The following C8orf34 variants were observed in gnomAD, a reference collection of about 807,000 sequenced individuals.
The protein encoded by C8orf34 is uncharacterized protein C8orf34.
Under a neutral mutation model 68.3 loss-of-function variants are expected in C8orf34, and 65 were observed. That is an observed-to-expected ratio of 0.95 (90% confidence interval 0.78 to 1.17). C8orf34 has a LOEUF of 1.17. C8orf34 is among the 50% of genes most tolerant of loss of function. The probability of loss-of-function intolerance (pLI) is 0.00; values close to 1 mark genes in which losing one functional copy is unlikely to be tolerated. For missense variants in C8orf34, 664 were observed against 655.4 expected (o/e 1.01, Z -0.14); for synonymous variants, 244 against 241.2 (o/e 1.01, Z -0.11).
chr8:68,689,239 G>A (rs899879825), intron 8 of C8orf34, among the ~76,000 whole-genome samples: 7 of 151,924 alleles, frequency 4.6e-5, no homozygotes, highest in African/African-American at 1.4e-4. Context: ...TTGTGGACTC[G>A]ATGGAGGGGG....
chr8:68,373,776 C>A (rs1807667883), intron 1 of C8orf34, among the ~76,000 whole-genome samples: 1 of 152,124 alleles, frequency 6.6e-6, no homozygotes, highest in African/African-American at 2.4e-5. Context: ...CTTGGTACAT[C>A]ACATACTAAG....
chr8:68,339,054 T>G (rs1042823053), intron 1 of C8orf34, among the ~76,000 whole-genome samples: 37 of 152,258 alleles, frequency 2.4e-4, no homozygotes, highest in African/African-American at 1.4e-4. Context: ...CATTTTTATT[T>G]GGGTTGTTTT....
intron 7 of C8orf34, among the ~76,000 whole-genome samples, chr8:68,616,297 C>G (rs1201339775): frequency 6.6e-6 from 1 of 152,068 alleles, no homozygotes; most frequent in Non-Finnish European, 1.5e-5. Context: ...TCCTTCAGTT[C>G]TGCTCTGATT....
intron 7 of C8orf34, among the ~76,000 whole-genome samples, chr8:68,632,742 G>T (rs1364885532): frequency 6.6e-6 from 1 of 152,150 alleles, no homozygotes; most frequent in Non-Finnish European, 1.5e-5. Flanking sequence ...TCCAGCCGTG[G>T]CTAAAAGGGG....
chr8:68,499,599 C>T (rs1052197043), intron 5 of C8orf34, among the ~76,000 whole-genome samples: 6 of 152,104 alleles, frequency 3.9e-5, no homozygotes, highest in African/African-American at 1.4e-4. Flanking sequence ...GTAGTTGATG[C>T]AGTCAGGTGT....
In C8orf34 at chr8:68,527,793, A is replaced by C. The variant is rs139349936; in HGVS notation, c.939-5190A>C. ...TGGGAAAGAGGGGCCTCGGAACCCTAAGTGCTCTTAGAAAAACCCCTCTTG... is the reference window on the plus strand; with the variant it reads ...TGGGAAAGAGGGGCCTCGGAACCCTCAGTGCTCTTAGAAAAACCCCTCTTG... On this transcript the variant is annotated intron_variant, in intron 6 of 13. Coordinates refer to ENST00000518698, the MANE Select transcript of C8orf34 (RefSeq NM_052958.4). Among the ~76,000 whole-genome samples the C allele has an allele frequency of 1.5e-4, 23 of 152,250 alleles. No homozygotes were observed. The East Asian group carries it at 2.1e-3, about 14-fold the overall frequency.
Position 68,331,079 on chromosome 8 carries a change from G to A in C8orf34, c.67G>A (p.Ala23Thr). The change falls in exon 1 of 14, where the codon GCG becomes ACG. Residue 23 changes from alanine to threonine, a missense_variant. Ala to Thr is a moderately conservative substitution (Grantham distance 58). Coordinates refer to ENST00000518698, the MANE Select transcript of C8orf34 (RefSeq NM_052958.4). ...GCTGCGCCCAGGCTTCCGGCTCTCA[G>A]CGCCCCACGCGCGCGTGGCTCCCCG... ...AALRPGFRLS[A>T]PHARVAPRAA... 6.9e-7 allele frequency: 1 copy of A among 1,445,334 alleles called. No homozygotes were observed. The highest frequency in any genetic ancestry group is 9.1e-7 in the Non-Finnish European group (1 of 1,102,944). 89.5% of individuals were successfully genotyped at this position (1,445,334 alleles called of 1,614,324 possible).
intron 10 of C8orf34, among the ~76,000 whole-genome samples, chr8:68,734,028 T>A (rs1432607828): frequency 6.6e-6 from 1 of 152,194 alleles, no homozygotes; most frequent in Non-Finnish European, 1.5e-5. Context: ...ATTTTTTTTA[T>A]GTTTATCAAG....
intron 3 of C8orf34, among the ~76,000 whole-genome samples, chr8:68,452,462 G>A (rs915463853): frequency 2.6e-5 from 4 of 151,072 alleles, no homozygotes; most frequent in Non-Finnish European, 4.4e-5. Flanking sequence ...CAGCCATCCA[G>A]TTGGATGTTA....
At chr8:68,758,119 C>T (rs577622890) in intron 10 of C8orf34, among the ~76,000 whole-genome samples, 1 of 152,324 alleles carries the variant, frequency 6.6e-6, no homozygotes, top group East Asian at 1.9e-4. Flanking sequence ...TGAGACTCCG[C>T]CTTTGTCCAT....
intron 1 of C8orf34, among the ~76,000 whole-genome samples, chr8:68,388,043 T>C (rs1808330707): frequency 6.6e-6 from 1 of 152,142 alleles, no homozygotes; most frequent in Non-Finnish European, 1.5e-5. Context: ...GATTGCCTTC[T>C]GTTGTTGGTG....
chr8:68,626,851 T>C (rs552445321), intron 7 of C8orf34, among the ~76,000 whole-genome samples: 3 of 152,248 alleles, frequency 2.0e-5, no homozygotes, highest in Non-Finnish European at 2.9e-5. Flanking sequence ...TTCTGTAATA[T>C]AGTGGTACCT....
chr8:68,428,076 CA>C (rs1424404635), intron 1 of C8orf34, among the ~76,000 whole-genome samples: 3 of 150,132 alleles, frequency 2.0e-5, no homozygotes, highest in Non-Finnish European at 4.4e-5. Context: ...GCTGATTTCT[CA>C]AAAAAAGGAA....
chr8:68,742,833 T>C (rs979268543), intron 10 of C8orf34, among the ~76,000 whole-genome samples: 1 of 152,212 alleles, frequency 6.6e-6, no homozygotes, highest in Admixed American at 6.5e-5. Flanking sequence ...ACAGCCTTCA[T>C]TTTATTTCAT....
intron 7 of C8orf34, chr8:68,534,666 G>T (rs16934696): frequency 2.0e-6 from 2 of 985,224 alleles, no homozygotes; most frequent in Non-Finnish European, 2.4e-6. Context: ...GTTTGCTCAC[G>T]TAGGTATGGG....
chr8:68,614,352 GA>G (rs1818125205), intron 7 of C8orf34, among the ~76,000 whole-genome samples: 1 of 152,190 alleles, frequency 6.6e-6, no homozygotes, highest in Non-Finnish European at 1.5e-5. Flanking sequence ...TTTTAGAAAT[GA>G]AGTCCTTGCC....
chr8:68,689,846 T>C (rs1479853272), intron 8 of C8orf34, among the ~76,000 whole-genome samples: 1 of 151,942 alleles, frequency 6.6e-6, no homozygotes, highest in Admixed American at 6.6e-5. Context: ...ATTTTGCAAA[T>C]GAGAAGTGAG....
intron 1 of C8orf34, among the ~76,000 whole-genome samples, chr8:68,356,371 A>C (rs1806749047): frequency 6.6e-6 from 1 of 152,090 alleles, no homozygotes; most frequent in Non-Finnish European, 1.5e-5. Context: ...TATATTATCT[A>C]CCGAGAAAAA....
At chr8:68,690,778 G>GTT (rs1820665066) in intron 8 of C8orf34, among the ~76,000 whole-genome samples, 1 of 152,060 alleles carries the variant, frequency 6.6e-6, no homozygotes, top group Non-Finnish European at 1.5e-5. Flanking sequence ...AAGACTCAAA[G>GTT]AAGTATCAAA....
Sources: gnomAD v4.1 joint callset for allele counts (sites outside exome capture counted in the v4.1 genomes callset) on GRCh38, gnomAD v4.1.1 for gene constraint, MANE v1.5 for transcripts, NCBI Gene and HGNC (gene_info 2026-07-23, HGNC 2026-07-21) for gene names.